KCNT1: variants seen among roughly 807,000 people sequenced by gnomAD.
KCNT1 encodes potassium sodium-activated channel subfamily T member 1, also known as potassium channel subfamily T member 1.
KCNT1 carries 78 observed loss-of-function variants against 147.8 expected under a neutral mutation model. That is an observed-to-expected ratio of 0.53 (90% CI 0.44 to 0.64). KCNT1 has a LOEUF of 0.64. Ranked by LOEUF, KCNT1 falls within the 30% of genes least tolerant of loss-of-function variation. The probability of loss-of-function intolerance (pLI) is 0.00; values close to 1 mark genes in which losing one functional copy is unlikely to be tolerated. For missense variants in KCNT1, 1,419 were observed against 1,750.3 expected, an observed-to-expected ratio of 0.81 and a Z score of 3.38; for synonymous variants, 867 against 748.8, an observed-to-expected ratio of 1.16 and a Z score of -2.58.
chr9:135,718,384 G>T (rs1835799795), intron 2 of KCNT1, among the ~76,000 whole-genome samples: 1 of 152,212 alleles, frequency 6.6e-6, no homozygotes. Flanking sequence ...AGACCTGCCT[G>T]CCGGCTCTGG....
chr9:135,765,814 C>T lies in KCNT1; in HGVS notation c.1337+54C>T, dbSNP rs867458129. Reference sequence around the variant, plus strand: ...ATGGGGGCACCTTCCTGAGTCAGGTCGGCTGCTCAGGGCTGAGGCATTGAC... The same window carrying T: ...ATGGGGGCACCTTCCTGAGTCAGGTTGGCTGCTCAGGGCTGAGGCATTGAC... On this transcript the variant is annotated intron_variant, in intron 13 of 30. Coordinates refer to ENST00000371757, the MANE Select transcript of KCNT1 (RefSeq NM_020822.3). The T allele has an allele frequency of 1.1e-5, 16 of 1,496,284 alleles. No homozygotes were observed. The Middle Eastern group carries it at 9.1e-4, about 85-fold the overall frequency. The allele number at this position is 1,496,284 out of a possible 1,614,324, so 92.7% of individuals were successfully genotyped here. A position where few individuals can be genotyped will look rare whatever the true frequency, so the allele number is the denominator to read the frequency against.
At chr9:135,757,061 T>G (rs1588322805) in intron 7 of KCNT1, 95 bp from the exon 8 acceptor site, 1 of 1,085,096 alleles carries the variant, frequency 9.2e-7, no homozygotes, top group Non-Finnish European at 1.3e-6. Context: ...ACCTCCAGGG[T>G]GGGCTCCTCG....
chr9:135,756,616 C>T (rs981210938), intron 6 of KCNT1, among the ~76,000 whole-genome samples: 2 of 152,144 alleles, frequency 1.3e-5, no homozygotes, highest in Non-Finnish European at 2.9e-5. Flanking sequence ...TCACCCACTG[C>T]ACCCTCCATC....
intron 19 of KCNT1, among the ~76,000 whole-genome samples, chr9:135,774,147 GTGTC>G (rs1364754921): frequency 2.6e-5 from 4 of 151,556 alleles, no homozygotes; most frequent in South Asian, 2.1e-4. Flanking sequence ...TATGTGATGT[GTGTC>G]TGGGTGTGTG....
intron 29 of KCNT1, among the ~76,000 whole-genome samples, chr9:135,787,239 T>C (rs545616797): frequency 3.6e-4 from 55 of 152,252 alleles, no homozygotes; most frequent in Non-Finnish European, 5.9e-4. Flanking sequence ...TGCAGCCCCC[T>C]CTCTCTGCGC....
At chr9:135,770,748 A>C (rs1034589686) in intron 17 of KCNT1, 109 bp from the exon 18 acceptor site, 2 of 1,100,770 alleles carry the variant, frequency 1.8e-6, no homozygotes, top group African/African-American at 3.1e-5. Context: ...CCCCAGGAGG[A>C]AGACGCGGAG....
chr9:135,770,305 C>T lies in KCNT1; in HGVS notation c.1627C>T (p.Gln543Ter), dbSNP rs1479237463. 2 of 1,600,098 alleles carry T rather than the reference C, an allele frequency of 1.2e-6. No individual in the cohort carries two copies. The highest frequency in any genetic ancestry group is 8.5e-7 in the Non-Finnish European group (1 of 1,172,312). Residue 543 changes from glutamine to a stop codon, truncating the protein, a stop_gained, in exon 17 of 31, where the codon CAG becomes TAG. Transcript: ENST00000371757. LOFTEE classifies it high-confidence loss of function. ...CCCCGCCCTGGCCCACAGGGAGGGA[C>T]AGGAGTCTCCGGAGCAGTGGCAGCG... ...LVHTSRGQEG[Q>*]ESPEQWQRMY...
intron 15 of KCNT1, among the ~76,000 whole-genome samples, chr9:135,769,630 G>C (rs369995849): frequency 3.3e-5 from 5 of 152,168 alleles, no homozygotes; most frequent in African/African-American, 9.7e-5. Context: ...CAGGCCCCAT[G>C]CCAGGTGCCC....
chr9:135,779,213 G>C, intron 23 of KCNT1, 146 bp from the exon 24 acceptor site: 1 of 526,608 alleles, frequency 1.9e-6, no homozygotes, highest in Non-Finnish European at 3.3e-6. Context: ...GACCCCCATA[G>C]CCAAGACAGT....
intron 19 of KCNT1, among the ~76,000 whole-genome samples, chr9:135,774,501 G>A (rs563730508): frequency 2.7e-4 from 40 of 149,944 alleles, no homozygotes; most frequent in Non-Finnish European, 4.6e-4. Flanking sequence ...TGTGGTGTGT[G>A]TTGCATATGT....
In KCNT1 at chr9:135,784,635, G is replaced by A. The variant is rs1280695315; in HGVS notation, c.3027+17G>A. The A allele has an allele frequency of 1.2e-6, 2 of 1,611,258 alleles. No individual in the cohort carries two copies. Among genetic ancestry groups the A allele is most frequent in the East Asian group, 2.2e-5 (1 of 44,832 alleles). On this transcript the variant is annotated intron_variant, in intron 26 of 30. Coordinates refer to ENST00000371757, the MANE Select transcript of KCNT1 (RefSeq NM_020822.3). Reference sequence around the variant, plus strand: ...CTCTGTGCCGTAAGTGCCCCTGGCTGCGCTGGGCTGGGGGCGTGCTGGGCT... The same window carrying A: ...CTCTGTGCCGTAAGTGCCCCTGGCTACGCTGGGCTGGGGGCGTGCTGGGCT...
intron 2 of KCNT1, among the ~76,000 whole-genome samples, chr9:135,744,802 G>A (rs1389607711): frequency 1.3e-5 from 2 of 152,334 alleles, no homozygotes; most frequent in South Asian, 4.1e-4. Context: ...GACTGTCTGA[G>A]GCTCCCTGCT....
chr9:135,769,878 A>C lies in KCNT1; in HGVS notation c.1511-69A>C, dbSNP rs1020445635. ...ATCTGCATAGCACCTTCAGGAAGTG[A>C]GCAGGTACTGTGGGGGAGGAGAGAG... On this transcript the variant is annotated intron_variant, in intron 15 of 30. Transcript: ENST00000371757. 3 of 1,139,102 alleles carry C rather than the reference A, an allele frequency of 2.6e-6. No homozygotes were observed. In the African/African-American group the frequency reaches 4.6e-5, roughly 18 times the overall value. 70.6% of individuals were successfully genotyped at this position (1,139,102 alleles called of 1,614,324 possible). A position where few individuals can be genotyped will look rare whatever the true frequency, so the allele number is the denominator to read the frequency against.
chr9:135,714,547 G>T lies in KCNT1; in HGVS notation c.111-30G>T, dbSNP rs866953029. 6.5e-6 allele frequency: 7 copies of T among 1,080,222 alleles called. No homozygotes were observed. Among genetic ancestry groups the T allele is most frequent in the Non-Finnish European group, 7.9e-6 (7 of 891,090 alleles). The allele number at this position is 1,080,222 out of a possible 1,614,324, so 66.9% of individuals were successfully genotyped here. On this transcript the variant is annotated intron_variant, in intron 1 of 30. Coordinates refer to ENST00000371757, the MANE Select transcript of KCNT1 (RefSeq NM_020822.3). The surrounding 1 kb of genome is among the most constrained non-coding windows in gnomAD (Gnocchi z 6.2). ...GCGCGTCCGCGAGGGCGCCCGACGC[G>T]GGCTGAGGGGCGCTGGCGTGTGCCC... is the stretch of plus-strand genomic sequence containing the variant.
chr9:135,763,420 G>A (rs904481018), intron 11 of KCNT1, among the ~76,000 whole-genome samples: 82 of 152,246 alleles, frequency 5.4e-4, no homozygotes, highest in African/African-American at 1.9e-3. Context: ...TGGGTCTCCT[G>A]GAAGTATCCT....
chr9:135,788,469 T>C (rs1409888000), intron 29 of KCNT1, among the ~76,000 whole-genome samples: 1 of 152,266 alleles, frequency 6.6e-6, no homozygotes, highest in Non-Finnish European at 1.5e-5. Context: ...TTCTCCTGCT[T>C]TGCTGTTTAC....
In KCNT1 at chr9:135,774,057, A is replaced by G. The variant is rs529445950; in HGVS notation, c.2243+1108A>G. Among the ~76,000 whole-genome samples, 54 of 149,212 alleles carry G rather than the reference A, an allele frequency of 3.6e-4. 1 individual carries two copies. The South Asian group carries it at 0.011, about 32-fold the overall frequency. ...CCGGTGTGTGTGTGTGGTGTATGTT[A>G]TGTGTGTGGTGTGTGTCCATATGTG... On this transcript the variant is annotated intron_variant, in intron 19 of 30. Coordinates refer to ENST00000371757, the MANE Select transcript of KCNT1 (RefSeq NM_020822.3).
rs948288645 is a variant in KCNT1 at position 135,730,635 on chromosome 9, C to G, written c.254+15915C>G. Among the ~76,000 whole-genome samples the G allele has an allele frequency of 6.6e-6, 1 of 152,140 alleles. No homozygotes were observed. Among genetic ancestry groups the G allele is most frequent in the South Asian group, 2.1e-4 (1 of 4,830 alleles). ...CCCCTCCCTGGGACTCCAGAAGGAG[C>G]CAGCCCTGCCGGCACTTCAGGCTTG... On this transcript the variant is annotated intron_variant, in intron 2 of 30. Coordinates refer to ENST00000371757, the MANE Select transcript of KCNT1 (RefSeq NM_020822.3). The surrounding 1 kb of genome is among the most constrained non-coding windows in gnomAD (Gnocchi z 4.7).
rs1554766004 is a variant in KCNT1, at chr9:135,730,990, T to TG, written c.254+16270_254+16271insG. ...AACAAAGTGAGATCCCGTCTCAAGG[T>TG]AAAAAAAAAAAAAAAAAAAAAAAGT... On this transcript the variant is annotated intron_variant, in intron 2 of 30. Transcript: ENST00000371757. This position sits in a 1 kb window ranked among gnomAD's most constrained non-coding sequence, Gnocchi z 4.7. Among the ~76,000 whole-genome samples, 18 of 85,590 alleles carry TG rather than the reference T, an allele frequency of 2.1e-4. No homozygotes were observed. The highest frequency in any genetic ancestry group is 3.6e-4 in the Non-Finnish European group (16 of 44,670). 56.2% of individuals were successfully genotyped at this position (85,590 alleles called of 152,430 possible). A position where few individuals can be genotyped will look rare whatever the true frequency, so the allele number is the denominator to read the frequency against.
Sources: allele counts gnomAD v4.1 joint callset (sites outside exome capture counted in the v4.1 genomes callset), GRCh38; gene constraint gnomAD v4.1.1; non-coding constraint Gnocchi (gnomAD v3.1); transcripts MANE v1.5; gene names NCBI Gene and HGNC (gene_info 2026-07-23, HGNC 2026-07-21).